TRAPPC9: variants seen among roughly 807,000 people sequenced by gnomAD.
TRAPPC9 encodes trafficking protein particle complex subunit 9, also known as IKK2 binding protein.
Under a neutral mutation model 124.0 loss-of-function variants are expected in TRAPPC9, and 83 were observed. The ratio of observed to expected loss-of-function variants is 0.67; its 90% CI spans 0.56 to 0.80. The LOEUF (loss-of-function observed/expected upper bound fraction) is 0.80. TRAPPC9 is among the 30% of genes least tolerant of loss of function. The pLI, the probability that TRAPPC9 is intolerant of heterozygous loss-of-function variation, is 0.00. For synonymous variants in TRAPPC9, 638 were observed against 617.5 expected (o/e 1.03, Z -0.49); for missense variants, 1,302 against 1,508.3 (o/e 0.86, Z 2.27).
intron 9 of TRAPPC9, among the ~76,000 whole-genome samples, chr8:140,312,130 A>T (rs1348094461): frequency 6.6e-6 from 1 of 152,224 alleles, no homozygotes; most frequent in African/African-American, 2.4e-5. Flanking sequence ...AAGACCATGT[A>T]CTTGGCCTAA....
rs563801938 is a variant in TRAPPC9 at position 140,070,754 on chromosome 8, ACT to A, written c.2557-46677_2557-46676del. On this transcript the variant is annotated intron_variant, in intron 17 of 22. Coordinates refer to ENST00000438773, the MANE Select transcript of TRAPPC9 (RefSeq NM_001160372.4). ...CTGTCCCCTAAAGCCACACACACAG[ACT>A]CTCCATAGAGCCACACATGATCAAA... Among the ~76,000 whole-genome samples the A allele has an allele frequency of 1.4e-3, 209 of 152,148 alleles. 1 individual carries two copies. The highest frequency in any genetic ancestry group is 4.3e-3 in the African/African-American group (179 of 41,512).
intron 18 of TRAPPC9, among the ~76,000 whole-genome samples, chr8:140,017,794 C>A (rs182808850): frequency 6.6e-6 from 1 of 152,120 alleles, no homozygotes; most frequent in Non-Finnish European, 1.5e-5. Context: ...ACAATCAGTT[C>A]GGGGAAAACC....
intron 20 of TRAPPC9, among the ~76,000 whole-genome samples, chr8:139,899,438 C>A (rs1308856957): frequency 1.3e-5 from 2 of 152,230 alleles, no homozygotes; most frequent in Non-Finnish European, 2.9e-5. Flanking sequence ...ATTTCCTATT[C>A]ATGAAGTGAA....
intron 7 of TRAPPC9, among the ~76,000 whole-genome samples, chr8:140,373,056 C>T (rs1339645870): frequency 2.6e-5 from 4 of 152,196 alleles, no homozygotes; most frequent in Non-Finnish European, 4.4e-5. Context: ...GACTGAACAA[C>T]TTTAACTCAT....
chr8:139,950,001 G>A (rs1834534963), intron 19 of TRAPPC9, among the ~76,000 whole-genome samples: 1 of 152,188 alleles, frequency 6.6e-6, no homozygotes, highest in South Asian at 2.1e-4. Context: ...CTTCAACACA[G>A]ACATCTCAGC....
intron 1 of TRAPPC9, among the ~76,000 whole-genome samples, chr8:140,454,659 AAC>A (rs1554690538): frequency 0.065 from 9,323 of 143,412 alleles, 369 homozygotes; most frequent in African/African-American, 0.079. Context: ...AAAAAAAAAA[AAC>A]ACAACCTGAC....
Position 140,387,147 on chromosome 8 carries a change from A to G in TRAPPC9, c.1134+10473T>C, listed in dbSNP as rs59808144. Among the ~76,000 whole-genome samples, 667 of 152,340 alleles carry G rather than the reference A, an allele frequency of 4.4e-3. 5 individuals are homozygous for G. Among genetic ancestry groups the G allele is most frequent in the African/African-American group, 0.015 (633 of 41,588 alleles). On this transcript the variant is annotated intron_variant, in intron 7 of 22. Coordinates refer to ENST00000438773, the MANE Select transcript of TRAPPC9 (RefSeq NM_001160372.4). ...AGCTGAAACTGGATCCTTTCCTTAC[A>G]CCTTATACAAAAATTAATTCAAGAT...
intron 3 of TRAPPC9, among the ~76,000 whole-genome samples, 186 bp downstream of exon 3, chr8:140,438,866 A>G (rs1399047908): frequency 6.6e-6 from 1 of 151,968 alleles, no homozygotes; most frequent in Admixed American, 6.6e-5. Context: ...TAATTTTTGT[A>G]TTTTTAGTAG....
intron 21 of TRAPPC9, among the ~76,000 whole-genome samples, chr8:139,823,027 T>C (rs1825360913): frequency 2.0e-5 from 3 of 152,274 alleles, no homozygotes; most frequent in Admixed American, 1.3e-4. Context: ...CTGGCGCCTC[T>C]TCCTACAGGG....
At chr8:139,973,311 C>T (rs940073218) in intron 19 of TRAPPC9, among the ~76,000 whole-genome samples, 20 of 152,302 alleles carry the variant, frequency 1.3e-4, no homozygotes, top group Middle Eastern at 3.4e-3. Context: ...CGGGCCAGCG[C>T]CCCTGGACAG....
Position 140,165,255 on chromosome 8 carries a change from C to T in TRAPPC9, c.2556+56204G>A, listed in dbSNP as rs535230393. ...ACTGGGAAGGCTGAGGCAAGAGAAT[C>T]GCTTGAACCCGGGAGGCAGAGGTTG... On this transcript the variant is annotated intron_variant, in intron 17 of 22. Coordinates refer to ENST00000438773, the MANE Select transcript of TRAPPC9 (RefSeq NM_001160372.4). Among the ~76,000 whole-genome samples the T allele has an allele frequency of 2.3e-4, 35 of 152,070 alleles. 1 individual carries two copies. The South Asian group carries it at 5.2e-3, about 23-fold the overall frequency.
At chr8:140,297,373 C>CAT (rs2065837528) in intron 11 of TRAPPC9, among the ~76,000 whole-genome samples, 1 of 151,714 alleles carries the variant, frequency 6.6e-6, no homozygotes, top group Non-Finnish European at 1.5e-5. Flanking sequence ...CACGCATACA[C>CAT]ACAATATACA....
chr8:139,916,867 T>C (rs374201483), intron 19 of TRAPPC9, among the ~76,000 whole-genome samples: 31 of 152,334 alleles, frequency 2.0e-4, no homozygotes, highest in African/African-American at 5.3e-4. Flanking sequence ...TGAACTTTCA[T>C]TGAGAGATAG....
At chr8:140,364,186 G>A (rs932291464) in intron 8 of TRAPPC9, among the ~76,000 whole-genome samples, 11 of 150,810 alleles carry the variant, frequency 7.3e-5, no homozygotes, top group East Asian at 2.0e-4. Context: ...AACTGGCCCC[G>A]GGACAGGAAA....
At chr8:140,183,875 AAGAAGAAGAAGAAGAGG>A (rs2062267292) in intron 17 of TRAPPC9, among the ~76,000 whole-genome samples, 1 of 113,156 alleles carries the variant, frequency 8.8e-6, no homozygotes, top group African/African-American at 3.4e-5. Context: ...GAAGAAGAAG[AAGAAGAAGAAGAAGAGG>A]AGAGGAGAGG....
intron 21 of TRAPPC9, among the ~76,000 whole-genome samples, chr8:139,874,718 G>A (rs1214294970): frequency 2.0e-5 from 3 of 152,180 alleles, no homozygotes; most frequent in Non-Finnish European, 4.4e-5. Context: ...TGAAGAAGGC[G>A]CTGTGGGCAG....
At chr8:140,059,520 C>G (rs991332558) in intron 17 of TRAPPC9, among the ~76,000 whole-genome samples, 1 of 152,178 alleles carries the variant, frequency 6.6e-6, no homozygotes, top group African/African-American at 2.4e-5. Flanking sequence ...TTAAAAGAAA[C>G]TGATGAATAG....
chr8:140,363,275 G>A (rs1465227706), intron 8 of TRAPPC9, among the ~76,000 whole-genome samples: 2 of 152,210 alleles, frequency 1.3e-5, no homozygotes, highest in Non-Finnish European at 2.9e-5. Flanking sequence ...AGTACACACA[G>A]CACACATCAG....
chr8:140,107,554 C>G (rs1005896013), intron 17 of TRAPPC9, among the ~76,000 whole-genome samples: 1 of 152,194 alleles, frequency 6.6e-6, no homozygotes, highest in Non-Finnish European at 1.5e-5. Flanking sequence ...CAAATGGTAC[C>G]GTGGGAGTGG....
Sources: allele counts gnomAD v4.1 joint callset (sites outside exome capture counted in the v4.1 genomes callset), GRCh38; gene constraint gnomAD v4.1.1; transcripts MANE v1.5; gene names NCBI Gene and HGNC (gene_info 2026-07-23, HGNC 2026-07-21).